The following FHIT variants were observed in gnomAD, a reference collection of about 807,000 sequenced individuals.
FHIT encodes the protein bis(5'-adenosyl)-triphosphatase.
In FHIT, 19 loss-of-function variants were observed where a neutral mutation model predicts 17.9. The observed-to-expected ratio is 1.06, with a 90% CI of 0.74 to 1.56. The LOEUF is 1.56. Among genes scored for constraint, FHIT ranks in the 40% most tolerant of loss-of-function variants. The probability of loss-of-function intolerance (pLI) is 0.00; values close to 1 mark genes in which losing one functional copy is unlikely to be tolerated. For missense variants in FHIT, 248 were observed against 189.2 expected (o/e 1.31, Z -1.82); for synonymous variants, 81 against 69.7 (o/e 1.16, Z -0.81).
chr3:60,999,448 G>T (rs1363402985), intron 3 of FHIT, among the ~76,000 whole-genome samples: 1 of 150,168 alleles, frequency 6.7e-6, no homozygotes, highest in African/African-American at 2.5e-5. Flanking sequence ...ATTCTCCAAA[G>T]TGAAGATTTT....
chr3:60,609,252 G>A (rs1321553401), intron 4 of FHIT, among the ~76,000 whole-genome samples: 2 of 152,138 alleles, frequency 1.3e-5, no homozygotes, highest in Non-Finnish European at 2.9e-5. Flanking sequence ...AAATCTGCCA[G>A]CATTGCCTTT....
intron 3 of FHIT, among the ~76,000 whole-genome samples, chr3:60,823,210 A>C (rs367850913): frequency 6.6e-6 from 1 of 152,186 alleles, no homozygotes; most frequent in East Asian, 1.9e-4. Context: ...CATATGTAAA[A>C]TACATGAGTG....
chr3:60,054,816 G>C (rs6803131), intron 5 of FHIT, among the ~76,000 whole-genome samples: 2,091 of 152,250 alleles, frequency 0.014, 41 homozygotes, highest in African/African-American at 0.047. Flanking sequence ...AAATTTTTGG[G>C]TAGAAATGTT....
At chr3:59,810,563 G>A (rs774238809) in intron 8 of FHIT, among the ~76,000 whole-genome samples, 7 of 152,120 alleles carry the variant, frequency 4.6e-5, no homozygotes, top group Admixed American at 3.3e-4. Flanking sequence ...TGGCTGGCTG[G>A]GGCACTCAGA....
At chr3:60,405,020 G>A (rs979881182) in intron 5 of FHIT, among the ~76,000 whole-genome samples, 1 of 152,124 alleles carries the variant, frequency 6.6e-6, no homozygotes, top group Non-Finnish European at 1.5e-5. Flanking sequence ...TTCTCAAACT[G>A]GTGATTTTGT....
intron 5 of FHIT, among the ~76,000 whole-genome samples, chr3:60,390,402 A>C (rs1298118999): frequency 2.5e-3 from 40 of 15,702 alleles, no homozygotes; most frequent in Non-Finnish European, 0.011. Context: ...GAGCTAAAAA[A>C]AAAAAAAAAA....
At chr3:60,132,460 A>G (rs568131967) in intron 5 of FHIT, among the ~76,000 whole-genome samples, 1 of 152,324 alleles carries the variant, frequency 6.6e-6, no homozygotes, top group East Asian at 1.9e-4. Context: ...AAAAATTATA[A>G]GGCTAGCAAA....
intron 5 of FHIT, among the ~76,000 whole-genome samples, chr3:60,135,017 A>T (rs1188973648): frequency 6.6e-6 from 1 of 152,134 alleles, no homozygotes; most frequent in African/African-American, 2.4e-5. Context: ...TAGAAGAGAA[A>T]GGGAAGCCAG....
chr3:60,062,394 A>G (rs527629908), intron 5 of FHIT, among the ~76,000 whole-genome samples: 2 of 152,318 alleles, frequency 1.3e-5, no homozygotes, highest in South Asian at 4.1e-4. Flanking sequence ...TTATTTTCTA[A>G]GCACCTCCTA....
intron 4 of FHIT, among the ~76,000 whole-genome samples, chr3:60,633,122 G>T (rs1553682858): frequency 6.6e-6 from 1 of 152,140 alleles, no homozygotes; most frequent in East Asian, 1.9e-4. Context: ...AAATCTGTAA[G>T]AAATAAATAA....
chr3:60,023,321 A>G (rs1444150029), intron 5 of FHIT, among the ~76,000 whole-genome samples: 2 of 152,194 alleles, frequency 1.3e-5, no homozygotes, highest in Non-Finnish European at 2.9e-5. Context: ...CAACATAAAT[A>G]ATTTAATAGC....
intron 8 of FHIT, among the ~76,000 whole-genome samples, chr3:59,892,500 G>C (rs571636144): frequency 5.3e-5 from 8 of 152,326 alleles, no homozygotes; most frequent in Admixed American, 2.0e-4. Context: ...TAAATTTAAA[G>C]TGATCACTTT....
chr3:60,071,775 G>C (rs1702782383), intron 5 of FHIT, among the ~76,000 whole-genome samples: 1 of 152,192 alleles, frequency 6.6e-6, no homozygotes, highest in Non-Finnish European at 1.5e-5. Flanking sequence ...ATTCCCGTAT[G>C]TTATGAGATG....
At chr3:60,996,685 C>A (rs975121507) in intron 3 of FHIT, among the ~76,000 whole-genome samples, 2 of 152,074 alleles carry the variant, frequency 1.3e-5, no homozygotes, top group Non-Finnish European at 2.9e-5. Context: ...GGTCATATGG[C>A]GATTTTTTTC....
chr3:60,951,398 T>C (rs1708879014), intron 3 of FHIT, among the ~76,000 whole-genome samples: 1 of 152,216 alleles, frequency 6.6e-6, no homozygotes, highest in Admixed American at 6.5e-5. Flanking sequence ...ACACTTAAGA[T>C]CTACTATGGT....
chr3:60,022,808 C>T (rs1220290654), intron 5 of FHIT, among the ~76,000 whole-genome samples: 4 of 152,088 alleles, frequency 2.6e-5, no homozygotes, highest in East Asian at 3.9e-4. Context: ...TTCAATTAGA[C>T]GGCAATAAAA....
intron 2 of FHIT, among the ~76,000 whole-genome samples, chr3:61,050,563 T>C (rs1375123072): frequency 6.6e-6 from 1 of 152,156 alleles, no homozygotes; most frequent in African/African-American, 2.4e-5. Context: ...CCTTATCAGT[T>C]AGAGATATCT....
At chr3:61,235,885 G>T (rs1397309522) in intron 1 of FHIT, among the ~76,000 whole-genome samples, 1 of 152,048 alleles carries the variant, frequency 6.6e-6, no homozygotes, top group Non-Finnish European at 1.5e-5. Context: ...ACCTTGTCCT[G>T]TCCAGTACTT....
At chr3:60,395,787 A>T (rs910660877) in intron 5 of FHIT, among the ~76,000 whole-genome samples, 3 of 152,224 alleles carry the variant, frequency 2.0e-5, no homozygotes, top group Admixed American at 6.5e-5. Context: ...ATCACCAAAG[A>T]AATGGATACC....
Sources: gnomAD v4.1 joint callset for allele counts (sites outside exome capture counted in the v4.1 genomes callset) on GRCh38, gnomAD v4.1.1 for gene constraint, MANE v1.5 for transcripts, NCBI Gene and HGNC (gene_info 2026-07-23, HGNC 2026-07-21) for gene names.